The following SRPK2 variants were observed in gnomAD, a reference collection of about 807,000 sequenced individuals.
SRPK2 encodes the protein SFRS protein kinase 2.
A neutral mutation model predicts 90.8 loss-of-function variants in SRPK2; 21 were observed. The observed-to-expected ratio is 0.23, with a 90% CI of 0.16 to 0.33. SRPK2 has a LOEUF of 0.33. SRPK2 is among the 10% of genes least tolerant of loss of function. The probability of loss-of-function intolerance (pLI) is 1.00; values close to 1 mark genes in which losing one functional copy is unlikely to be tolerated. For missense variants in SRPK2, 620 were observed against 869.0 expected (o/e 0.71, Z 3.60); for synonymous variants, 288 against 311.1 (o/e 0.93, Z 0.78).
At chr7:105,130,758 C>G (rs565966403) in intron 13 of SRPK2, among the ~76,000 whole-genome samples, 2 of 151,018 alleles carry the variant, frequency 1.3e-5, no homozygotes, top group Non-Finnish European at 3.0e-5. Context: ...AAAGCCATGA[C>G]TTTTGGGGGG....
At chr7:105,191,550 ACTCTAT>A (rs1276055476) in intron 3 of SRPK2, among the ~76,000 whole-genome samples, 1 of 152,090 alleles carries the variant, frequency 6.6e-6, no homozygotes, top group Non-Finnish European at 1.5e-5. Context: ...AGAATGAGAC[ACTCTAT>A]CTCTATGGGG....
chr7:105,378,584 G>A (rs368957567), intron 2 of SRPK2, among the ~76,000 whole-genome samples: 30 of 152,080 alleles, frequency 2.0e-4, no homozygotes, highest in African/African-American at 6.5e-4. Context: ...CCAACATGGT[G>A]AAACCCCATC....
chr7:105,181,881 T>TAAAAAAAAAAAAAAA (rs755821029), intron 3 of SRPK2, among the ~76,000 whole-genome samples: 1 of 84,860 alleles, frequency 1.2e-5, no homozygotes, highest in Non-Finnish European at 2.6e-5. Context: ...AAGATAAAAG[T>TAAAAAAAAAAAAAAA]AAAAAAAAAA....
chr7:105,190,960 AT>A, intron 3 of SRPK2, among the ~76,000 whole-genome samples: 1 of 152,306 alleles, frequency 6.6e-6, no homozygotes, highest in Non-Finnish European at 1.5e-5. Context: ...AATTGTATGT[AT>A]GGGGTATGAT....
intron 3 of SRPK2, among the ~76,000 whole-genome samples, chr7:105,187,495 CAT>C (rs573202831): frequency 1.2e-3 from 186 of 152,364 alleles, no homozygotes; most frequent in African/African-American, 4.1e-3. Context: ...TGGCCCCACA[CAT>C]GAGTCTCTAG....
intron 3 of SRPK2, among the ~76,000 whole-genome samples, chr7:105,196,323 A>C (rs1385408156): frequency 6.6e-6 from 1 of 152,350 alleles, no homozygotes; most frequent in East Asian, 1.9e-4. Context: ...ACTGTGAATA[A>C]AGAAAGGTTA....
chr7:105,251,153 C>T lies in SRPK2; in HGVS notation c.72-47368G>A, dbSNP rs144324291. 2.8e-3 allele frequency among the ~76,000 whole-genome samples: 432 copies of T among 152,226 alleles called. 1 individual carries two copies. The highest frequency in any genetic ancestry group is 8.1e-3 in the African/African-American group (336 of 41,534). ...AAATGAAGTAACTATAACAGGACAA[C>T]GCCATAGCAATAAATACATCAATAC... On this transcript the variant is annotated intron_variant, in intron 2 of 15. Transcript: ENST00000393651.
chr7:105,149,576 C>T (rs972418677), intron 7 of SRPK2, among the ~76,000 whole-genome samples: 1 of 152,166 alleles, frequency 6.6e-6, no homozygotes, highest in Non-Finnish European at 1.5e-5. Flanking sequence ...TTTCTCTATA[C>T]TTTGTCTCTG....
intron 2 of SRPK2, among the ~76,000 whole-genome samples, chr7:105,385,156 G>T: frequency 7.8e-6 from 1 of 127,958 alleles, no homozygotes; most frequent in Non-Finnish European, 1.6e-5. Context: ...ACAGGCGTGA[G>T]CCACCGCGCC....
chr7:105,242,359 A>C (rs947935542), intron 2 of SRPK2, among the ~76,000 whole-genome samples: 1 of 152,096 alleles, frequency 6.6e-6, no homozygotes, highest in African/African-American at 2.4e-5. Flanking sequence ...TAAAAATTCA[A>C]AAGTTATCCG....
intron 3 of SRPK2, among the ~76,000 whole-genome samples, chr7:105,186,193 C>T (rs1793556302): frequency 6.6e-6 from 1 of 152,060 alleles, no homozygotes; most frequent in African/African-American, 2.4e-5. Context: ...TAGGTTTTTA[C>T]TTTTTAAATT....
At chr7:105,359,049 C>T (rs1469215142) in intron 2 of SRPK2, among the ~76,000 whole-genome samples, 4 of 151,966 alleles carry the variant, frequency 2.6e-5, no homozygotes, top group Non-Finnish European at 5.9e-5. Context: ...AAGAGGGATC[C>T]ACCCCCTACA....
intron 1 of SRPK2, among the ~76,000 whole-genome samples, chr7:105,396,523 T>C (rs1042321775): frequency 6.6e-6 from 1 of 151,580 alleles, no homozygotes; most frequent in Non-Finnish European, 1.5e-5. Flanking sequence ...CCCAGCTACT[T>C]GGAAGGCTGA....
intron 2 of SRPK2, among the ~76,000 whole-genome samples, chr7:105,296,605 G>A (rs1251122313): frequency 1.3e-5 from 2 of 152,224 alleles, no homozygotes; most frequent in East Asian, 3.8e-4. Context: ...TACAATGGAA[G>A]TCCACTGGCT....
chr7:105,151,800 G>A (rs1437722597), intron 7 of SRPK2, among the ~76,000 whole-genome samples: 2 of 152,116 alleles, frequency 1.3e-5, no homozygotes, highest in Non-Finnish European at 2.9e-5. Context: ...AAGGCAGGTG[G>A]ATCACCTGAG....
At chr7:105,399,043 A>AC in intron 1 of SRPK2, 3 of 152,226 alleles carry the variant, frequency 2.0e-5, no homozygotes, top group African/African-American at 7.2e-5. Context: ...TTCAATAAAT[A>AC]TTAGCTGATC....
At chr7:105,256,553 T>A (rs1210578210) in intron 2 of SRPK2, among the ~76,000 whole-genome samples, 1 of 152,146 alleles carries the variant, frequency 6.6e-6, no homozygotes, top group East Asian at 1.9e-4. Context: ...GACGGGGGTC[T>A]TGGTATGTTG....
At position 105,278,518 on chromosome 7, in the gene SRPK2, CAA is replaced by C. The variant is rs745938997; in HGVS notation, c.72-74735_72-74734del. ...GTGAACCCCATCTCTAATAAAAATA[CAA>C]AAAAAAAAAAAAAAAAATAGCCGGG... On this transcript the variant is annotated intron_variant, in intron 2 of 15. Coordinates refer to ENST00000393651, the MANE Select transcript of SRPK2 (RefSeq NM_182692.3). 6.5e-3 allele frequency among the ~76,000 whole-genome samples: 619 copies of C among 95,250 alleles called. 2 individuals are homozygous for C. The highest frequency in any genetic ancestry group is 0.019 in the African/African-American group (414 of 21,660). 62.5% of individuals were successfully genotyped at this position (95,250 alleles called of 152,430 possible).
chr7:105,174,892 A>G (rs1791630418), intron 3 of SRPK2, among the ~76,000 whole-genome samples: 1 of 152,164 alleles, frequency 6.6e-6, no homozygotes, highest in African/African-American at 2.4e-5. Context: ...GCCTGTAATC[A>G]CAACAATTTG....
Sources: gnomAD v4.1 joint callset for allele counts (sites outside exome capture counted in the v4.1 genomes callset) on GRCh38, gnomAD v4.1.1 for gene constraint, MANE v1.5 for transcripts, NCBI Gene and HGNC (gene_info 2026-07-23, HGNC 2026-07-21) for gene names.